The following FGF2 variants were observed in gnomAD, a reference collection of about 807,000 sequenced individuals.
The protein encoded by FGF2 is basic fibroblast growth factor bFGF.
In FGF2, 13 loss-of-function variants were observed where a neutral mutation model predicts 15.9. The ratio of observed to expected loss-of-function variants is 0.82; its 90% CI spans 0.53 to 1.30. FGF2 has a LOEUF of 1.30. Ranked by LOEUF, FGF2 falls within the 50% of genes most tolerant of loss-of-function variation. FGF2 has a pLI of 0.00. For missense variants in FGF2, 163 were observed against 196.9 expected, an observed-to-expected ratio of 0.83 and a Z score of 1.03; for synonymous variants, 90 against 78.4, an observed-to-expected ratio of 1.15 and a Z score of -0.78.
rs1176427929 is a variant in FGF2, at chr4:122,878,191, T to C, written c.282+1767T>C. On this transcript the variant is annotated intron_variant, in intron 2 of 2. Coordinates refer to ENST00000644866, the MANE Select transcript of FGF2 (RefSeq NM_001361665.2). ...TGATATGCTACTTCTATATTTTGCA[T>C]ACATGCATAGTAATATAGGAAAGGA... Among the ~76,000 whole-genome samples, 8 of 152,188 alleles carry C rather than the reference T, an allele frequency of 5.3e-5. No homozygotes were observed. The East Asian group carries it at 9.6e-4, about 18-fold the overall frequency.
At chr4:122,849,821 G>A (rs767686134) in intron 1 of FGF2, among the ~76,000 whole-genome samples, 10 of 152,162 alleles carry the variant, frequency 6.6e-5, no homozygotes, top group Non-Finnish European at 1.2e-4. Context: ...AATTAACCAG[G>A]GATATGCCCA....
intron 1 of FGF2, among the ~76,000 whole-genome samples, chr4:122,872,899 C>T (rs981228747): frequency 2.0e-5 from 3 of 152,186 alleles, no homozygotes; most frequent in Non-Finnish European, 4.4e-5. Flanking sequence ...AAGGAAAAAC[C>T]GGTACCAGTC....
intron 1 of FGF2, among the ~76,000 whole-genome samples, chr4:122,843,563 G>A (rs1421484333): frequency 6.6e-6 from 1 of 152,152 alleles, no homozygotes; most frequent in Non-Finnish European, 1.5e-5. Flanking sequence ...GTTAGGAAAT[G>A]ATTTCAGTTA....
chr4:122,866,498 A>G (rs1034054940), intron 1 of FGF2, among the ~76,000 whole-genome samples: 3 of 152,240 alleles, frequency 2.0e-5, no homozygotes, highest in African/African-American at 7.2e-5. Context: ...TCAATAATAA[A>G]AAGACAATCT....
At chr4:122,839,846 T>G (rs547577598) in intron 1 of FGF2, among the ~76,000 whole-genome samples, 1 of 152,304 alleles carries the variant, frequency 6.6e-6, no homozygotes, top group East Asian at 1.9e-4. Flanking sequence ...ACAGTCTGGG[T>G]GGCTCGAACA....
intron 1 of FGF2, among the ~76,000 whole-genome samples, chr4:122,844,586 TCTTCCTTCCTTC>T (rs554560967): frequency 0.085 from 11,433 of 133,812 alleles, 653 homozygotes; most frequent in Middle Eastern, 0.17. Flanking sequence ...TTTCTTTCTT[TCTTCCTTCCTTC>T]CTTCCTTCCT....
At chr4:122,849,160 T>C (rs188069647) in intron 1 of FGF2, among the ~76,000 whole-genome samples, 1 of 152,354 alleles carries the variant, frequency 6.6e-6, no homozygotes, top group Admixed American at 6.5e-5. Context: ...AAAATCTCTT[T>C]GGTGGCTTAG....
intron 1 of FGF2, among the ~76,000 whole-genome samples, chr4:122,868,426 C>T (rs1258023551): frequency 6.6e-6 from 1 of 152,178 alleles, no homozygotes; most frequent in African/African-American, 2.4e-5. Context: ...TAGCTTCATC[C>T]ATGTCCCTGC....
intron 1 of FGF2, among the ~76,000 whole-genome samples, chr4:122,865,483 GT>G: frequency 6.6e-6 from 1 of 151,938 alleles, no homozygotes. Context: ...GTAGAGTGGG[GT>G]TTTGCCATGT....
intron 1 of FGF2, among the ~76,000 whole-genome samples, chr4:122,836,219 C>T (rs1196641022): frequency 6.6e-6 from 1 of 152,180 alleles, no homozygotes; most frequent in Admixed American, 6.5e-5. Flanking sequence ...CACACAGTGG[C>T]CACTCAAAGA....
At chr4:122,854,657 C>A (rs1182192320) in intron 1 of FGF2, among the ~76,000 whole-genome samples, 3 of 152,138 alleles carry the variant, frequency 2.0e-5, no homozygotes, top group Non-Finnish European at 4.4e-5. Context: ...ATATGTCATG[C>A]AGGGGATGCG....
At chr4:122,859,877 C>T (rs553507108) in intron 1 of FGF2, among the ~76,000 whole-genome samples, 1 of 152,176 alleles carries the variant, frequency 6.6e-6, no homozygotes, top group Non-Finnish European at 1.5e-5. Flanking sequence ...TTACTGTTCC[C>T]AAATTGTTAC....
chr4:122,846,988 G>A (rs990571980), intron 1 of FGF2, among the ~76,000 whole-genome samples: 6 of 152,192 alleles, frequency 3.9e-5, no homozygotes, highest in South Asian at 2.1e-4. Flanking sequence ...GCCTGTGCCC[G>A]CGCATTACAA....
Position 122,892,341 on chromosome 4 carries a change from A to C in FGF2, c.413A>C (p.Lys138Thr). 4 of 1,614,168 alleles carry C rather than the reference A, an allele frequency of 2.5e-6. No individual in the cohort carries two copies. The highest frequency in any genetic ancestry group is 3.4e-6 in the Non-Finnish European group (4 of 1,180,004). The change falls in exon 3 of 3, where the codon AAA becomes ACA. Residue 138 changes from lysine to threonine, a missense_variant. Physicochemically the swap from Lys to Thr is moderately conservative, Grantham distance 78. Coordinates refer to ENST00000644866, the MANE Select transcript of FGF2 (RefSeq NM_001361665.2). ...ACTGGGCAGTATAAACTTGGATCCA[A>C]AACAGGACCTGGGCAGAAAGCTATA... ...KRTGQYKLGS[K>T]TGPGQKAILF...
intron 2 of FGF2, among the ~76,000 whole-genome samples, chr4:122,876,870 G>A (rs1726859858): frequency 6.6e-6 from 1 of 152,174 alleles, no homozygotes; most frequent in African/African-American, 2.4e-5. Flanking sequence ...CTTTCTGCCT[G>A]GTACAGATGC....
At chr4:122,876,254 C>G in intron 1 of FGF2, 67 bp from the exon 2 acceptor site, 1 of 956,572 alleles carries the variant, frequency 1.0e-6, no homozygotes, top group Non-Finnish European at 1.7e-6. Flanking sequence ...CTTTATATTG[C>G]GTAAATATTG....
At chr4:122,838,219 C>G (rs1262500204) in intron 1 of FGF2, among the ~76,000 whole-genome samples, 1 of 152,092 alleles carries the variant, frequency 6.6e-6, no homozygotes, top group Admixed American at 6.6e-5. Context: ...TGGGATCTGT[C>G]CAGCTCTGTC....
chr4:122,847,503 C>T (rs1726136720), intron 1 of FGF2, among the ~76,000 whole-genome samples: 1 of 152,086 alleles, frequency 6.6e-6, no homozygotes, highest in African/African-American at 2.4e-5. Context: ...GAATAGGCTG[C>T]CTGGGGCTGG....
In FGF2 at chr4:122,893,358, A is replaced by C; in HGVS notation, c.*962A>C. The C allele has an allele frequency of 1.2e-6, 1 of 817,674 alleles. No homozygotes were observed. The allele number at this position is 817,674 out of a possible 1,614,324, so 50.7% of individuals were successfully genotyped here. A position where few individuals can be genotyped will look rare whatever the true frequency, so the allele number is the denominator to read the frequency against. ...CCTAACAAAGTAAAGTTTTCAATAC[A>C]AATTCTTTGCCTTGTGGATATCAAG... On this transcript the variant is annotated 3_prime_UTR_variant, in exon 3 of 3. Transcript: ENST00000644866.
Sources: gnomAD v4.1 joint callset for allele counts (sites outside exome capture counted in the v4.1 genomes callset) on GRCh38, gnomAD v4.1.1 for gene constraint, MANE v1.5 for transcripts, NCBI Gene and HGNC (gene_info 2026-07-23, HGNC 2026-07-21) for gene names.